Variants in ARAP2 observed in about 807,000 individuals in gnomAD.
The protein encoded by ARAP2 is arf-GAP with Rho-GAP domain, ANK repeat and PH domain-containing protein 2.
In ARAP2, 148 loss-of-function variants were observed where a neutral mutation model predicts 194.5. That is an observed-to-expected ratio of 0.76 (90% CI 0.67 to 0.87). ARAP2 has a LOEUF of 0.87. Among genes scored for constraint, ARAP2 ranks in the 40% least tolerant of loss-of-function variants. The pLI, the probability that ARAP2 is intolerant of heterozygous loss-of-function variation, is 0.00. For missense variants in ARAP2, 2,128 were observed against 1,989.7 expected, an observed-to-expected ratio of 1.07 and a Z score of -1.32; for synonymous variants, 695 against 683.5, an observed-to-expected ratio of 1.02 and a Z score of -0.26.
intron 27 of ARAP2, among the ~76,000 whole-genome samples, chr4:36,104,287 T>C (rs185314247): frequency 2.0e-5 from 3 of 152,118 alleles, no homozygotes; most frequent in Admixed American, 2.0e-4. Flanking sequence ...TTTAACATTA[T>C]TCCCATTTTT....
intron 9 of ARAP2, among the ~76,000 whole-genome samples, chr4:36,168,222 A>T (rs1331072110): frequency 1.3e-5 from 2 of 152,170 alleles, no homozygotes; most frequent in Non-Finnish European, 2.9e-5. Context: ...ATGGAAGAGG[A>T]GGGGCCGAAA....
At chr4:36,017,820 A>C (rs1716147554) in intron 6 of ARAP2, among the ~76,000 whole-genome samples, 1 of 152,154 alleles carries the variant, frequency 6.6e-6, no homozygotes, top group South Asian at 2.1e-4. Context: ...ATTTCTGAGC[A>C]GTGAAACAGA....
At chr4:36,082,425 G>A in intron 29 of ARAP2, 139 bp from the exon 30 acceptor site, 1 of 823,000 alleles carries the variant, frequency 1.2e-6, no homozygotes, top group Non-Finnish European at 1.9e-6. Context: ...TCAATGTGTT[G>A]GACTTAGCTA....
At chr4:36,201,159 C>A (rs1048525297) in intron 6 of ARAP2, among the ~76,000 whole-genome samples, 2 of 152,182 alleles carry the variant, frequency 1.3e-5, no homozygotes, top group African/African-American at 4.8e-5. Flanking sequence ...ATCCTCCAGA[C>A]AAACATGTGA....
At chr4:36,153,209 G>A (rs1395048341) in intron 15 of ARAP2, among the ~76,000 whole-genome samples, 1 of 152,166 alleles carries the variant, frequency 6.6e-6, no homozygotes, top group Non-Finnish European at 1.5e-5. Context: ...TGGGCCAGAA[G>A]TCAGACAAGG....
At chr4:36,089,017 T>A (rs1359531564) in intron 28 of ARAP2, among the ~76,000 whole-genome samples, 5 of 152,110 alleles carry the variant, frequency 3.3e-5, no homozygotes, top group Non-Finnish European at 5.9e-5. Context: ...TGGTACTACT[T>A]GAATCTCAGA....
chr4:36,204,606 T>C (rs2109242702), intron 6 of ARAP2, among the ~76,000 whole-genome samples: 1 of 152,294 alleles, frequency 6.6e-6, no homozygotes, highest in East Asian at 1.9e-4. Context: ...GGCTACAGGA[T>C]GATGAAATTG....
At chr4:36,160,087 T>C in intron 13 of ARAP2, 1 of 991,986 alleles carries the variant, frequency 1.0e-6, no homozygotes, top group Non-Finnish European at 1.2e-6. Flanking sequence ...CAATAGGAAC[T>C]GTTAGAATCC....
rs966447839 is a variant in ARAP2 at position 36,146,058 on chromosome 4, C to A, written c.3263+1238G>T. Among the ~76,000 whole-genome samples the A allele has an allele frequency of 3.9e-5, 6 of 151,954 alleles. 1 individual carries two copies. The highest frequency in any genetic ancestry group is 8.8e-5 in the Non-Finnish European group (6 of 67,962). ...GTCTTAAACTTACTAATATCCTACA[C>A]CTCTATTCTCCAAGAATTTGTTCTC... On this transcript the variant is annotated intron_variant, in intron 19 of 32. Transcript: ENST00000303965.
At chr4:36,170,999 T>C (rs1441353421) in intron 9 of ARAP2, among the ~76,000 whole-genome samples, 1 of 151,096 alleles carries the variant, frequency 6.6e-6, no homozygotes, top group Non-Finnish European at 1.5e-5. Flanking sequence ...CAAGAGAGAG[T>C]TGTGTTCCTA....
intron 1 of ARAP2, among the ~76,000 whole-genome samples, chr4:36,233,903 G>A (rs755902258): frequency 6.6e-5 from 10 of 152,172 alleles, no homozygotes; most frequent in Non-Finnish European, 8.8e-5. Flanking sequence ...CCTCTTCTCC[G>A]TATTCCTACA....
intron 5 of ARAP2, among the ~76,000 whole-genome samples, chr4:36,040,415 C>A (rs900505261): frequency 6.6e-6 from 1 of 152,104 alleles, no homozygotes; most frequent in Non-Finnish European, 1.5e-5. Context: ...AGCATTGAAC[C>A]GGTAAATTGC....
chr4:36,180,577 A>G lies in ARAP2; in HGVS notation c.1679-2572T>C, dbSNP rs59092510. Among the ~76,000 whole-genome samples, 984 of 152,338 alleles carry G rather than the reference A, an allele frequency of 6.5e-3. 14 individuals are homozygous for G. The highest frequency in any genetic ancestry group is 0.023 in the African/African-American group (938 of 41,574). On this transcript the variant is annotated intron_variant, in intron 8 of 32. Coordinates refer to ENST00000303965, the MANE Select transcript of ARAP2 (RefSeq NM_015230.4). ...TATTCCTGCCGAATAAATGGTACATAATGGTTTTTGTTTGTTTCTTTATTT... is the reference window on the plus strand; with the variant it reads ...TATTCCTGCCGAATAAATGGTACATGATGGTTTTTGTTTGTTTCTTTATTT...
At position 36,193,578 on chromosome 4, in the gene ARAP2, C is replaced by T. The variant is rs1325146002; in HGVS notation, c.1557G>A (p.Lys519=). The stretch of plus-strand genomic sequence containing the variant: ...TTTGAAAACTGTAAAATGTATTTAC[C>T]TTCTCATTATTGTAGTAAGAAATGC... ...GLSISYYNNE[K]EMYSKGIIPL... is the part of the protein sequence containing the mutation. Residue 519 remains lysine (K), a splice_region_variant and synonymous_variant, in exon 7 of 33, where the codon AAG becomes AAA. Transcript: ENST00000303965. The T allele has an allele frequency of 1.3e-6, 2 of 1,574,498 alleles. No homozygotes were observed. Among genetic ancestry groups the T allele is most frequent in the African/African-American group, 1.4e-5 (1 of 73,426 alleles).
rs1215325005 is a variant in ARAP2 at position 36,228,640 on chromosome 4, G to C, written c.847C>G (p.Leu283Val). Residue 283 changes from leucine to valine, a missense_variant, in exon 2 of 33, where the codon CTG becomes GTG. Transcript: ENST00000303965. ...KLVSRPSRSF[L>V]LRHRPVPEIP... ...TCTGGTACAGGTCGATGTCTTAGCA[G>C]AAAAGATCGAGATGGTCTTGAAACC... 6.2e-7 allele frequency: 1 copy of C among 1,614,038 alleles called. No individual in the cohort carries two copies. The highest frequency in any genetic ancestry group is 2.2e-5 in the East Asian group (1 of 44,878).
chr4:36,234,484 GAC>G (rs1200514977), intron 1 of ARAP2, among the ~76,000 whole-genome samples: 1 of 152,096 alleles, frequency 6.6e-6, no homozygotes, highest in Non-Finnish European at 1.5e-5. Context: ...GGGGGTGGGG[GAC>G]ACACACATTC....
rs181125062 is a variant in ARAP2, at chr4:36,122,469, A to G, written c.3747-1143T>C. The stretch of plus-strand genomic sequence containing the variant: ...ATGAGATCACGTCCTTTGCAGCAAC[A>G]TGGATGGAGCTGGAGGCCAATATCC... On this transcript the variant is annotated intron_variant, in intron 22 of 32. Transcript: ENST00000303965. Among the ~76,000 whole-genome samples the G allele has an allele frequency of 3.6e-4, 55 of 152,030 alleles. 1 individual carries two copies. In the East Asian group the frequency reaches 0.01, roughly 28 times the overall value.
chr4:36,159,408 T>C lies in ARAP2; in HGVS notation c.2540A>G (p.His847Arg). The C allele has an allele frequency of 1.2e-6, 2 of 1,612,568 alleles. No homozygotes were observed. Among genetic ancestry groups the C allele is most frequent in the African/African-American group, 1.3e-5 (1 of 75,016 alleles). Residue 847 changes from histidine to arginine, a missense_variant, in exon 14 of 33, where the codon CAT (histidine) becomes CGT (arginine). His to Arg is a conservative substitution (Grantham distance 29). Coordinates refer to ENST00000303965, the MANE Select transcript of ARAP2 (RefSeq NM_015230.4). The part of the protein sequence containing the change: ...DVMCATGDPV[H>R]STPYLLAKKA... ...CTTGGCTAGCAGATAGGGGGTGCTA[T>C]GCACGGGGTCTCCGGTGGCACACAT...
chr4:36,206,827 C>A (rs1054794823), intron 6 of ARAP2, among the ~76,000 whole-genome samples: 3 of 152,152 alleles, frequency 2.0e-5, no homozygotes, highest in African/African-American at 7.2e-5. Flanking sequence ...CAGGCTCACA[C>A]TGCCACATCA....
Sources: allele counts gnomAD v4.1 joint callset (sites outside exome capture counted in the v4.1 genomes callset), GRCh38; gene constraint gnomAD v4.1.1; transcripts MANE v1.5; gene names NCBI Gene and HGNC (gene_info 2026-07-23, HGNC 2026-07-21).